The following PUDP variants were observed in gnomAD, a reference collection of about 807,000 sequenced individuals.
The protein encoded by PUDP is pseudouridine-5'-phosphatase.
PUDP carries 8 observed loss-of-function variants against 9.4 expected under a neutral mutation model. The ratio of observed to expected loss-of-function variants is 0.85; its 90% CI spans 0.50 to 1.53. PUDP has a LOEUF of 1.53. Among genes scored for constraint, PUDP ranks in the 40% most tolerant of loss-of-function variants. The pLI, the probability that PUDP is intolerant of heterozygous loss-of-function variation, is 0.00. For synonymous variants in PUDP, 99 were observed against 80.7 expected (o/e 1.23, Z -1.22); for missense variants, 188 against 189.7 (o/e 0.99, Z 0.05).
In PUDP at chrX:6,720,582, C is replaced by T. The variant is rs61625987; in HGVS notation, n.128+835G>A. ...TAAGTTCTGGGGATGCAATCTACAG[C>T]ATGGTGACTATAGTTACCAATACCG... is the stretch of plus-strand genomic sequence containing the variant. On this transcript the variant is annotated intron_variant and non_coding_transcript_variant, in intron 1 of 2. Coordinates refer to the PUDP transcript ENST00000438499. Among the ~76,000 whole-genome samples, 262 of 106,880 alleles carry T rather than the reference C, an allele frequency of 2.5e-3. 2 individuals carry two copies. The highest frequency in any genetic ancestry group is 8.3e-3 in the African/African-American group (243 of 29,341). The allele number at this position is 106,880 out of a possible 115,157, so 92.8% of individuals were successfully genotyped here.
intron 2 of PUDP, among the ~76,000 whole-genome samples, chrX:7,087,767 G>A (rs1298033273): frequency 8.9e-6 from 1 of 112,288 alleles, no homozygotes; most frequent in Non-Finnish European, 1.9e-5. Flanking sequence ...CAAGAGTCCA[G>A]TTTACATTTA....
intron 3 of PUDP, among the ~76,000 whole-genome samples, chrX:6,751,766 T>C (rs1408770800): frequency 9.0e-6 from 1 of 111,558 alleles, no homozygotes; most frequent in Non-Finnish European, 1.9e-5. Context: ...ATATTTTGAG[T>C]GCAAAAACCT....
intron 2 of PUDP, among the ~76,000 whole-genome samples, chrX:7,088,801 T>C (rs1232111074): frequency 3.6e-5 from 4 of 111,718 alleles, no homozygotes; most frequent in Non-Finnish European, 5.6e-5. Flanking sequence ...TACTTCGCAG[T>C]ATAATGCCCT....
At chrX:7,116,595 T>A (rs189003643) in intron 1 of PUDP, among the ~76,000 whole-genome samples, 1 of 111,949 alleles carries the variant, frequency 8.9e-6, no homozygotes, top group East Asian at 2.8e-4. Context: ...CCTTACCACA[T>A]GCCCTTGCCC....
chrX:6,767,370 T>C (rs1409403732), intron 3 of PUDP, among the ~76,000 whole-genome samples: 2 of 112,862 alleles, frequency 1.8e-5, no homozygotes, highest in Non-Finnish European at 3.7e-5. Flanking sequence ...CACTAGTTCA[T>C]TAATGAGGCC....
rs981090948 is a variant in PUDP at position 7,146,835 on chromosome X, G to T, written c.61+1218C>A. On this transcript the variant is annotated intron_variant, in intron 1 of 3. Transcript: ENST00000381077. The stretch of plus-strand genomic sequence containing the variant: ...TAGCTTTACCTCTCTGAGCTGCAGG[G>T]TTTTTTTTTTTTTTTTTTTTTTAAT... Among the ~76,000 whole-genome samples the T allele has an allele frequency of 8.4e-5, 7 of 83,000 alleles. No individual in the cohort carries two copies. The South Asian group carries it at 5.0e-3, about 59-fold the overall frequency. 72.1% of individuals were successfully genotyped at this position (83,000 alleles called of 115,157 possible). A position where few individuals can be genotyped will look rare whatever the true frequency, so the allele number is the denominator to read the frequency against.
chrX:6,958,124 C>T (rs149457039), intron 3 of PUDP, among the ~76,000 whole-genome samples: 2,783 of 112,258 alleles, frequency 0.025, 30 homozygotes, highest in Non-Finnish European at 0.039. Context: ...TAACCTTACG[C>T]GTCCACCCTA....
intron 3 of PUDP, among the ~76,000 whole-genome samples, chrX:6,728,770 T>C (rs1924774234): frequency 8.9e-6 from 1 of 111,753 alleles, no homozygotes; most frequent in African/African-American, 3.3e-5. Flanking sequence ...ACCCATTACT[T>C]TTAGTAAACT....
At chrX:7,039,885 G>A (rs780115642) in intron 1 of PUDP, among the ~76,000 whole-genome samples, 1 of 112,004 alleles carries the variant, frequency 8.9e-6, no homozygotes, top group Admixed American at 9.5e-5. Context: ...CATTCTTCGG[G>A]AGAAATGCAG....
intron 1 of PUDP, among the ~76,000 whole-genome samples, chrX:6,991,197 C>A (rs1002191985): frequency 1.8e-5 from 2 of 111,743 alleles, no homozygotes; most frequent in Non-Finnish European, 3.8e-5. Context: ...CCATTACTCT[C>A]CAGCGGACCA....
chrX:6,841,418 T>C (rs1450450735), intron 3 of PUDP, among the ~76,000 whole-genome samples: 2 of 109,751 alleles, frequency 1.8e-5, no homozygotes, highest in Non-Finnish European at 3.8e-5. Flanking sequence ...ACAGCAAAAC[T>C]CTATCTCTAC....
chrX:7,081,208 G>A lies in PUDP; in HGVS notation c.281-3759C>T, dbSNP rs1411451708. Among the ~76,000 whole-genome samples the A allele has an allele frequency of 5.4e-5, 6 of 111,666 alleles. No homozygotes were observed. In the South Asian group the frequency reaches 2.3e-3, roughly 43 times the overall value. Reference sequence around the variant, plus strand: ...AGGATCTTGCTCTGTGACCCAGGCTGGAGCAGAGTCAAACAATCATAGCAG... The same window carrying A: ...AGGATCTTGCTCTGTGACCCAGGCTAGAGCAGAGTCAAACAATCATAGCAG... On this transcript the variant is annotated intron_variant, in intron 2 of 3. Coordinates refer to ENST00000381077, the MANE Select transcript of PUDP (RefSeq NM_012080.5).
intron 1 of PUDP, among the ~76,000 whole-genome samples, chrX:7,125,063 G>T (rs751360677): frequency 2.8e-5 from 3 of 108,436 alleles, no homozygotes; most frequent in African/African-American, 1.0e-4. Context: ...ACTTTTAAAC[G>T]TTTCATTCAC....
At chrX:6,983,108 T>G (rs957231897) in intron 1 of PUDP, among the ~76,000 whole-genome samples, 7 of 112,156 alleles carry the variant, frequency 6.2e-5, no homozygotes, top group African/African-American at 2.3e-4. Flanking sequence ...CCCAAGGGGT[T>G]CGCCTTGCCC....
intron 3 of PUDP, among the ~76,000 whole-genome samples, chrX:6,810,875 T>C (rs7891435): frequency 0.52 from 57,802 of 110,660 alleles, 12,201 homozygotes; most frequent in African/African-American, 0.81. Context: ...AGCCCCAGGT[T>C]CTTTCCACCA....
At chrX:6,975,787 C>T (rs770737433) in intron 3 of PUDP, among the ~76,000 whole-genome samples, 1 of 112,170 alleles carries the variant, frequency 8.9e-6, no homozygotes, top group Non-Finnish European at 1.9e-5. Context: ...GGCAGGAATG[C>T]TGAAGCTGCG....
chrX:6,896,587 C>T (rs1927595721), intron 3 of PUDP, among the ~76,000 whole-genome samples: 1 of 111,929 alleles, frequency 8.9e-6, no homozygotes. Flanking sequence ...GCAATTTCAC[C>T]CTTCAATGTG....
At chrX:6,750,959 A>G (rs1316880030) in intron 3 of PUDP, among the ~76,000 whole-genome samples, 3 of 110,452 alleles carry the variant, frequency 2.7e-5, no homozygotes, top group Admixed American at 1.9e-4. Context: ...CTAACACGGT[A>G]AAACCCCGTC....
chrX:6,938,628 TA>T (rs147992433), intron 3 of PUDP, among the ~76,000 whole-genome samples: 1,739 of 98,593 alleles, frequency 0.018, 48 homozygotes, highest in African/African-American at 0.06. Context: ...GAACTTAAAT[TA>T]AAAAAAAAAA....
Sources: allele counts gnomAD v4.1 joint callset (sites outside exome capture counted in the v4.1 genomes callset), GRCh38; gene constraint gnomAD v4.1.1; transcripts MANE v1.5; gene names NCBI Gene and HGNC (gene_info 2026-07-23, HGNC 2026-07-21).